GLI2: variants seen among roughly 807,000 people sequenced by gnomAD.
GLI2 encodes the protein transcription activator GLI2.
GLI2 carries 22 observed loss-of-function variants against 78.9 expected under a neutral mutation model. That is an observed-to-expected ratio of 0.28 (90% CI 0.20 to 0.40). The LOEUF is 0.40. Ranked by LOEUF, GLI2 falls within the 10% of genes least tolerant of loss-of-function variation. The pLI is 1.00. For missense variants in GLI2, 2,097 were observed against 2,213.2 expected (o/e 0.95, Z 1.05); for synonymous variants, 974 against 963.7 (o/e 1.01, Z -0.20).
At chr2:120,812,544 A>G (rs370940650) in intron 2 of GLI2, among the ~76,000 whole-genome samples, 48 of 152,116 alleles carry the variant, frequency 3.2e-4, no homozygotes, top group Middle Eastern at 3.4e-3. Context: ...ACCATGGGGG[A>G]CCTGAGGCCC....
At chr2:120,795,631 G>A (rs1194133547) in intron 1 of GLI2, among the ~76,000 whole-genome samples, 2 of 151,806 alleles carry the variant, frequency 1.3e-5, no homozygotes, top group African/African-American at 4.8e-5. Context: ...ACTGGTGTCT[G>A]CACACTGCGA....
intron 9 of GLI2, among the ~76,000 whole-genome samples, chr2:120,976,149 C>G (rs1682447678): frequency 6.6e-6 from 1 of 152,138 alleles, no homozygotes; most frequent in Non-Finnish European, 1.5e-5. Flanking sequence ...ATTAGTAGCT[C>G]GATTGCTGGG....
Position 120,988,625 on chromosome 2 carries a change from C to T in GLI2, c.2660C>T (p.Pro887Leu). Residue 887 changes from proline (P) to leucine (L), a missense_variant, in exon 14 of 14, where the codon CCG (proline) becomes CTG (leucine). Pro to Leu is a moderately conservative substitution (Grantham distance 98, BLOSUM62 -3). Coordinates refer to ENST00000361492, the MANE Select transcript of GLI2 (RefSeq NM_001374353.1). ...GCCACTGGCGGCCCCCCGCCCACTC[C>T]GCTGCCGGGCCTGGAGCGCATGAGC... ...AAATGGPPPT[P>L]LPGLERMSLR... 7 of 1,455,950 alleles carry T rather than the reference C, an allele frequency of 4.8e-6. No homozygotes were observed. Among genetic ancestry groups the T allele is most frequent in the Admixed American group, 2.5e-5 (1 of 40,626 alleles). 90.2% of individuals were successfully genotyped at this position (1,455,950 alleles called of 1,614,324 possible). A position where few individuals can be genotyped will look rare whatever the true frequency, so the allele number is the denominator to read the frequency against.
At chr2:120,948,941 A>T (rs1247633589) in intron 3 of GLI2, among the ~76,000 whole-genome samples, 2 of 152,124 alleles carry the variant, frequency 1.3e-5, no homozygotes, top group African/African-American at 4.8e-5. Flanking sequence ...CTATTCTCTC[A>T]GCCTGTAGAC....
chr2:120,959,803 G>A (rs1333588232), intron 5 of GLI2, among the ~76,000 whole-genome samples: 3 of 152,216 alleles, frequency 2.0e-5, no homozygotes, highest in Non-Finnish European at 4.4e-5. Flanking sequence ...GTGAATGAGC[G>A]TTTCCACTAG....
intron 5 of GLI2, among the ~76,000 whole-genome samples, chr2:120,965,491 C>T (rs570264703): frequency 1.4e-5 from 2 of 147,510 alleles, no homozygotes; most frequent in Non-Finnish European, 3.0e-5. Context: ...GCAGATGCTG[C>T]GGCAGAGGGG....
chr2:120,917,236 T>C (rs1375093742), intron 2 of GLI2, among the ~76,000 whole-genome samples: 3 of 152,238 alleles, frequency 2.0e-5, no homozygotes, highest in Admixed American at 1.3e-4. Context: ...CTGTTTCATA[T>C]AGGATTAAGT....
intron 1 of GLI2, among the ~76,000 whole-genome samples, chr2:120,777,052 A>C (rs958782767): frequency 3.9e-5 from 6 of 152,184 alleles, no homozygotes; most frequent in African/African-American, 9.7e-5. Context: ...AGCTGTGTGC[A>C]CGCGTGTGTG....
At position 120,793,668 on chromosome 2, in the gene GLI2, C is replaced by G. The variant is rs1357053915; in HGVS notation, c.-30-3623C>G. On this transcript the variant is annotated intron_variant, in intron 1 of 13. Transcript: ENST00000361492. ...GGATGCAGTGGGCACTGCCTGGAAT[C>G]CCCCCGCTGCATCTGCTCCCCACAG... 3.3e-5 allele frequency among the ~76,000 whole-genome samples: 5 copies of G among 152,306 alleles called. No homozygotes were observed. The South Asian group carries it at 1.0e-3, about 32-fold the overall frequency.
At chr2:120,879,439 G>A (rs114222949) in intron 2 of GLI2, among the ~76,000 whole-genome samples, 282 of 152,332 alleles carry the variant, frequency 1.9e-3, no homozygotes, top group Middle Eastern at 3.4e-3. Flanking sequence ...GGGAGCCCCA[G>A]AGTGAACATA....
chr2:120,916,415 C>T lies in GLI2; in HGVS notation c.149-10946C>T, dbSNP rs375601654. On this transcript the variant is annotated intron_variant, in intron 2 of 13. Transcript: ENST00000361492. ...GAGCCTGAAGAGCCTGCCATCCTCC[C>T]CCTTCCTTCTGGCTCTGCCAGGTCT... is the stretch of plus-strand genomic sequence containing the variant. Among the ~76,000 whole-genome samples the T allele has an allele frequency of 4.6e-5, 7 of 152,378 alleles. No homozygotes were observed. The South Asian group carries it at 6.2e-4, about 14-fold the overall frequency.
chr2:120,766,747 C>T (rs1224086888), intron 1 of GLI2, among the ~76,000 whole-genome samples: 2 of 152,198 alleles, frequency 1.3e-5, no homozygotes, highest in Non-Finnish European at 2.9e-5. Context: ...GTAGGAGTCA[C>T]TGAGAAAACA....
intron 2 of GLI2, among the ~76,000 whole-genome samples, chr2:120,880,479 G>A (rs577699961): frequency 2.0e-4 from 31 of 152,126 alleles, no homozygotes; most frequent in Admixed American, 1.1e-3. Flanking sequence ...TCCCCGCCTC[G>A]CAGACAAGGG....
intron 2 of GLI2, among the ~76,000 whole-genome samples, chr2:120,818,810 A>G (rs775322467): frequency 6.6e-6 from 1 of 152,216 alleles, no homozygotes; most frequent in Admixed American, 6.5e-5. Flanking sequence ...ACTGGTTAGC[A>G]TGTTACCAGG....
chr2:120,799,544 G>A (rs76114652), intron 2 of GLI2, among the ~76,000 whole-genome samples: 2,044 of 152,340 alleles, frequency 0.013, 46 homozygotes, highest in African/African-American at 0.047. Context: ...CTGTCCCTGC[G>A]TGGCGCAAAG....
At position 120,737,279 on chromosome 2, in the gene GLI2, G is replaced by C. The variant is rs1558773403; in HGVS notation, c.-31+994G>C. Among the ~76,000 whole-genome samples, 1 of 151,964 alleles carries C rather than the reference G, an allele frequency of 6.6e-6. No individual in the cohort carries two copies. The highest frequency in any genetic ancestry group is 1.5e-5 in the Non-Finnish European group (1 of 67,994). ...GGAGAGCTGGGAGTCCACCCAGCTC[G>C]GCGCCTTTTCAGCCCGGCGGTAACT... On this transcript the variant is annotated intron_variant, in intron 1 of 13. Transcript: ENST00000361492. This position sits in a 1 kb window ranked among gnomAD's most constrained non-coding sequence, Gnocchi z 4.3.
chr2:120,808,948 C>G lies in GLI2; in HGVS notation c.148+11480C>G, dbSNP rs552380919. On this transcript the variant is annotated intron_variant, in intron 2 of 13. Coordinates refer to ENST00000361492, the MANE Select transcript of GLI2 (RefSeq NM_001374353.1). ...CATAGTTCTCAGCAGCGCCCACATG[C>G]CTGGCCCCCTGGGTTTTCTAGCTCC... Among the ~76,000 whole-genome samples the G allele has an allele frequency of 6.6e-5, 10 of 152,278 alleles. 1 individual carries two copies. The South Asian group carries it at 2.1e-3, about 32-fold the overall frequency.
rs1298954826 is a variant in GLI2, at chr2:120,800,772, C to T, written c.148+3304C>T. Among the ~76,000 whole-genome samples, 1 of 152,164 alleles carries T rather than the reference C, an allele frequency of 6.6e-6. No homozygotes were observed. Among genetic ancestry groups the T allele is most frequent in the East Asian group, 1.9e-4 (1 of 5,174 alleles). On this transcript the variant is annotated intron_variant, in intron 2 of 13. Transcript: ENST00000361492. The surrounding 1 kb of genome is among the most constrained non-coding windows in gnomAD (Gnocchi z 4.1). ...CCGCCCGCCTCAGCCTCCCAAAGTG[C>T]CGGGATTACAGGTGTGAGCCACCGC...
At chr2:120,907,089 A>G (rs995545770) in intron 2 of GLI2, among the ~76,000 whole-genome samples, 2 of 152,126 alleles carry the variant, frequency 1.3e-5, no homozygotes, top group South Asian at 2.1e-4. Flanking sequence ...ACTTGTGCCC[A>G]GCGTCATTAC....
Sources: allele counts gnomAD v4.1 joint callset (sites outside exome capture counted in the v4.1 genomes callset), GRCh38; gene constraint gnomAD v4.1.1; non-coding constraint Gnocchi (gnomAD v3.1); transcripts MANE v1.5; gene names NCBI Gene and HGNC (gene_info 2026-07-23, HGNC 2026-07-21).